LRBA: variants seen among roughly 807,000 people sequenced by gnomAD.
LRBA encodes LPS responsive beige-like anchor protein.
A neutral mutation model predicts 330.0 loss-of-function variants in LRBA; 176 were observed. The ratio of observed to expected loss-of-function variants is 0.53; its 90% CI spans 0.47 to 0.60. LRBA has a LOEUF of 0.60. LRBA is among the 20% of genes least tolerant of loss of function. LRBA has a pLI of 0.00. For missense variants in LRBA, 3,259 were observed against 3,444.8 expected (o/e 0.95, Z 1.35); for synonymous variants, 1,230 against 1,193.0 (o/e 1.03, Z -0.64).
At chr4:150,456,175 T>C (rs1336387782) in intron 44 of LRBA, among the ~76,000 whole-genome samples, 1 of 152,154 alleles carries the variant, frequency 6.6e-6, no homozygotes, top group South Asian at 2.1e-4. Flanking sequence ...TTCCTTTCTT[T>C]AGGGTATACA....
At chr4:150,893,657 ATTTC>A (rs1269230972) in intron 16 of LRBA, among the ~76,000 whole-genome samples, 12 of 151,816 alleles carry the variant, frequency 7.9e-5, no homozygotes, top group Middle Eastern at 3.4e-3. Flanking sequence ...CCTCAAAACA[ATTTC>A]TTTGTTTTTT....
At chr4:150,800,038 C>T (rs1420490770) in intron 33 of LRBA, among the ~76,000 whole-genome samples, 2 of 152,214 alleles carry the variant, frequency 1.3e-5, no homozygotes, top group African/African-American at 2.4e-5. Flanking sequence ...AGCCACCATA[C>T]CTGGCCCATA....
intron 47 of LRBA, among the ~76,000 whole-genome samples, chr4:150,390,457 C>A (rs757620602): frequency 3.3e-5 from 5 of 152,190 alleles, no homozygotes; most frequent in Non-Finnish European, 5.9e-5. Flanking sequence ...CTACAGCAAT[C>A]TCATTTTAAG....
At chr4:150,420,387 G>GTATATATAATACACATTATAA (rs1748531278) in intron 46 of LRBA, among the ~76,000 whole-genome samples, 1 of 40,804 alleles carries the variant, frequency 2.5e-5, no homozygotes, top group African/African-American at 1.0e-4. Flanking sequence ...ACACATTATA[G>GTATATATAATACACATTATAA]TATATATAAA....
chr4:150,896,363 A>T, intron 16 of LRBA, 31 bp downstream of exon 16: 1 of 1,211,040 alleles, frequency 8.3e-7, no homozygotes, highest in South Asian at 1.4e-5. Flanking sequence ...TTCAAAAATT[A>T]AAATTTCAAA....
intron 37 of LRBA, among the ~76,000 whole-genome samples, chr4:150,665,893 C>A (rs1349802709): frequency 6.6e-6 from 1 of 152,160 alleles, no homozygotes; most frequent in Non-Finnish European, 1.5e-5. Flanking sequence ...TTCTTCTATG[C>A]CAAACTTCCC....
chr4:150,407,509 ATAGT>A (rs1370134333), intron 47 of LRBA, among the ~76,000 whole-genome samples: 2 of 152,196 alleles, frequency 1.3e-5, no homozygotes, highest in African/African-American at 4.8e-5. Flanking sequence ...AAGATACAGA[ATAGT>A]TAAACACAAA....
intron 34 of LRBA, among the ~76,000 whole-genome samples, chr4:150,766,267 C>G (rs896584948): frequency 6.6e-6 from 1 of 151,924 alleles, no homozygotes; most frequent in African/African-American, 2.4e-5. Flanking sequence ...TCAGGAATAT[C>G]CTTATGTTTT....
At chr4:150,776,451 T>C (rs1560801830) in intron 34 of LRBA, among the ~76,000 whole-genome samples, 3 of 152,218 alleles carry the variant, frequency 2.0e-5, no homozygotes, top group East Asian at 1.9e-4. Context: ...AGAGAACTAT[T>C]GTTTATCTGT....
At chr4:150,839,574 T>C (rs573738581) in intron 28 of LRBA, among the ~76,000 whole-genome samples, 3 of 152,296 alleles carry the variant, frequency 2.0e-5, no homozygotes, top group South Asian at 4.1e-4. Flanking sequence ...AGGATGAGTT[T>C]ATATCCTTTG....
intron 2 of LRBA, among the ~76,000 whole-genome samples, chr4:150,965,518 T>C (rs779214056): frequency 6.6e-5 from 10 of 152,158 alleles, no homozygotes; most frequent in Non-Finnish European, 1.5e-4. Flanking sequence ...CTATCGTCTA[T>C]ATATCAATCA....
At chr4:150,388,986 C>T (rs763124257) in intron 47 of LRBA, among the ~76,000 whole-genome samples, 7 of 151,888 alleles carry the variant, frequency 4.6e-5, no homozygotes, top group Non-Finnish European at 8.8e-5. Context: ...GTTCTAGAGC[C>T]TAGAAAAGTA....
chr4:150,975,552 G>C (rs1002631527), intron 2 of LRBA, among the ~76,000 whole-genome samples: 1 of 148,072 alleles, frequency 6.8e-6, no homozygotes, highest in Non-Finnish European at 1.5e-5. Context: ...AAAAAAGAAA[G>C]AAAGAAAACA....
intron 36 of LRBA, among the ~76,000 whole-genome samples, chr4:150,733,561 C>CTG (rs1730773444): frequency 3.8e-5 from 2 of 52,338 alleles, no homozygotes; most frequent in Non-Finnish European, 2.0e-4. Context: ...TTCTGTCTCT[C>CTG]TCTCTCTCTC....
intron 40 of LRBA, among the ~76,000 whole-genome samples, chr4:150,512,388 T>C (rs1245066265): frequency 1.3e-5 from 2 of 152,214 alleles, no homozygotes; most frequent in Non-Finnish European, 2.9e-5. Flanking sequence ...TGAATGTGTC[T>C]TTCCAAAATA....
At chr4:150,686,109 C>CT (rs1783604317) in intron 36 of LRBA, among the ~76,000 whole-genome samples, 1 of 152,200 alleles carries the variant, frequency 6.6e-6, no homozygotes. Context: ...TCATTTACCT[C>CT]TTTAGGTCTA....
intron 2 of LRBA, among the ~76,000 whole-genome samples, chr4:150,929,758 T>C (rs1359344988): frequency 1.3e-5 from 2 of 152,164 alleles, no homozygotes; most frequent in African/African-American, 4.8e-5. Flanking sequence ...TTAAAATACT[T>C]TTAGAATTAC....
chr4:150,658,509 C>G (rs1421005532), intron 37 of LRBA, among the ~76,000 whole-genome samples: 10 of 62,656 alleles, frequency 1.6e-4, no homozygotes, highest in African/African-American at 5.6e-4. Context: ...ATAAAAGTCT[C>G]CCTCTCCCTC....
chr4:150,296,959 A>C (rs577249159), intron 53 of LRBA, among the ~76,000 whole-genome samples: 1 of 151,718 alleles, frequency 6.6e-6, no homozygotes, highest in African/African-American at 2.4e-5. Flanking sequence ...AAGCAGAAGA[A>C]TCCTACGTTT....
Sources: allele counts gnomAD v4.1 joint callset (sites outside exome capture counted in the v4.1 genomes callset), GRCh38; gene constraint gnomAD v4.1.1; transcripts MANE v1.5; gene names NCBI Gene and HGNC (gene_info 2026-07-23, HGNC 2026-07-21).